EXOC4: variants seen among roughly 807,000 people sequenced by gnomAD.
EXOC4 encodes the protein SEC8-like 1.
Under a neutral mutation model 107.2 loss-of-function variants are expected in EXOC4, and 71 were observed. That is an observed-to-expected ratio of 0.66 (90% confidence interval 0.55 to 0.81). The LOEUF (loss-of-function observed/expected upper bound fraction) is 0.81, where lower values mean the gene tolerates loss of function less well. Ranked by LOEUF, EXOC4 falls within the 30% of genes least tolerant of loss-of-function variation. The pLI is 0.00. For missense variants in EXOC4, 1,108 were observed against 1,189.6 expected, an observed-to-expected ratio of 0.93 and a Z score of 1.01; for synonymous variants, 456 against 441.2, an observed-to-expected ratio of 1.03 and a Z score of -0.42.
At chr7:133,530,661 A>G (rs1307146417) in intron 9 of EXOC4, among the ~76,000 whole-genome samples, 1 of 152,238 alleles carries the variant, frequency 6.6e-6, no homozygotes, top group Non-Finnish European at 1.5e-5. Flanking sequence ...AAGCACATGT[A>G]GAGTTACTTG....
chr7:133,378,989 GATATTTT>G (rs1796554904), intron 7 of EXOC4, among the ~76,000 whole-genome samples: 1 of 151,988 alleles, frequency 6.6e-6, no homozygotes, highest in Non-Finnish European at 1.5e-5. Flanking sequence ...TGCATTTTAT[GATATTTT>G]ATTACTTTAA....
At chr7:133,671,852 A>G (rs1011130441) in intron 10 of EXOC4, among the ~76,000 whole-genome samples, 2 of 152,220 alleles carry the variant, frequency 1.3e-5, no homozygotes, top group Non-Finnish European at 2.9e-5. Flanking sequence ...TAGGAAGACT[A>G]CAGGAAGAAG....
At chr7:133,458,062 C>G (rs1259831203) in intron 7 of EXOC4, among the ~76,000 whole-genome samples, 1 of 152,054 alleles carries the variant, frequency 6.6e-6, no homozygotes, top group Non-Finnish European at 1.5e-5. Context: ...TAAATGTATA[C>G]CTAAAGAAAA....
intron 9 of EXOC4, among the ~76,000 whole-genome samples, chr7:133,531,054 C>T (rs973097752): frequency 6.6e-6 from 1 of 152,112 alleles, no homozygotes; most frequent in African/African-American, 2.4e-5. Context: ...CATTAGTATA[C>T]ATATACATAC....
intron 9 of EXOC4, among the ~76,000 whole-genome samples, chr7:133,581,328 A>C (rs1031481701): frequency 6.6e-6 from 1 of 152,184 alleles, no homozygotes; most frequent in African/African-American, 2.4e-5. Flanking sequence ...TCGCGGGTAC[A>C]TGTACAGGTT....
At chr7:133,444,026 C>T (rs1418372446) in intron 7 of EXOC4, among the ~76,000 whole-genome samples, 2 of 152,140 alleles carry the variant, frequency 1.3e-5, no homozygotes, top group Non-Finnish European at 2.9e-5. Context: ...GTCAGGAGAC[C>T]TGTGTGTACT....
Position 133,414,816 on chromosome 7 carries a change from A to G in EXOC4, c.1182+39814A>G, listed in dbSNP as rs141733435. Among the ~76,000 whole-genome samples, 193 of 152,276 alleles carry G rather than the reference A, an allele frequency of 1.3e-3. 1 individual carries two copies. Among genetic ancestry groups the G allele is most frequent in the African/African-American group, 4.3e-3 (180 of 41,562 alleles). ...TTACCAATTCAAAGTATACAATTCA[A>G]TGGCTTTAAACATGTTCACAGAGTT... On this transcript the variant is annotated intron_variant, in intron 7 of 17. Coordinates refer to ENST00000253861, the MANE Select transcript of EXOC4 (RefSeq NM_021807.4).
chr7:133,671,668 A>T (rs1034540419), intron 10 of EXOC4, among the ~76,000 whole-genome samples: 3 of 152,194 alleles, frequency 2.0e-5, no homozygotes, highest in African/African-American at 7.2e-5. Flanking sequence ...AGCCATTGTA[A>T]TAATTAATGG....
At chr7:133,531,173 C>A (rs977333797) in intron 9 of EXOC4, among the ~76,000 whole-genome samples, 1 of 151,896 alleles carries the variant, frequency 6.6e-6, no homozygotes, top group East Asian at 1.9e-4. Flanking sequence ...TAATATAGTA[C>A]CCATTAGTAT....
At chr7:134,039,213 T>C (rs1016110556) in intron 17 of EXOC4, among the ~76,000 whole-genome samples, 1 of 152,198 alleles carries the variant, frequency 6.6e-6, no homozygotes, top group Non-Finnish European at 1.5e-5. Context: ...GGTATACACC[T>C]ACGTAAGGAG....
At chr7:133,858,442 C>G (rs1440066434) in intron 11 of EXOC4, among the ~76,000 whole-genome samples, 1 of 152,062 alleles carries the variant, frequency 6.6e-6, no homozygotes, top group African/African-American at 2.4e-5. Flanking sequence ...GGAAAAAGCA[C>G]CACTTGACTG....
intron 17 of EXOC4, among the ~76,000 whole-genome samples, chr7:134,058,236 G>C (rs564811138): frequency 5.8e-4 from 88 of 152,244 alleles, no homozygotes; most frequent in Non-Finnish European, 1.1e-3. Flanking sequence ...CTTTTATTCA[G>C]CTCAATTTTT....
intron 11 of EXOC4, among the ~76,000 whole-genome samples, chr7:133,856,031 G>C (rs1346372922): frequency 1.3e-5 from 2 of 152,124 alleles, no homozygotes; most frequent in African/African-American, 4.8e-5. Flanking sequence ...AAAAGATCTG[G>C]AACACGTAAA....
chr7:133,485,591 C>A (rs1006780678), intron 9 of EXOC4, among the ~76,000 whole-genome samples: 1 of 152,236 alleles, frequency 6.6e-6, no homozygotes, highest in East Asian at 1.9e-4. Context: ...AAAAAATTTT[C>A]TCATTGTACT....
At chr7:133,335,522 T>C (rs771583568) in intron 5 of EXOC4, among the ~76,000 whole-genome samples, 15 of 152,342 alleles carry the variant, frequency 9.8e-5, no homozygotes, top group South Asian at 6.2e-4. Flanking sequence ...TGTTGTACCC[T>C]ATACCAGAAT....
chr7:133,643,399 G>T (rs1216783632), intron 10 of EXOC4, among the ~76,000 whole-genome samples: 3 of 152,110 alleles, frequency 2.0e-5, no homozygotes, highest in Non-Finnish European at 4.4e-5. Flanking sequence ...TTAAGGGTGG[G>T]TCTGCCTTTC....
chr7:133,310,765 G>A (rs139346502), intron 4 of EXOC4, among the ~76,000 whole-genome samples: 164 of 152,202 alleles, frequency 1.1e-3, no homozygotes, highest in East Asian at 3.7e-3. Context: ...CCTTTATCTC[G>A]TCAAGATTCA....
At chr7:133,897,479 G>T (rs1269692036) in intron 12 of EXOC4, among the ~76,000 whole-genome samples, 1 of 151,970 alleles carries the variant, frequency 6.6e-6, no homozygotes, top group African/African-American at 2.4e-5. Flanking sequence ...AATTTATACA[G>T]ATAGTCTTTT....
chr7:133,855,134 T>TAA (rs1563028632), intron 11 of EXOC4, among the ~76,000 whole-genome samples: 54 of 110,850 alleles, frequency 4.9e-4, no homozygotes, highest in African/African-American at 2.1e-3. Context: ...TATAAATATA[T>TAA]ATATATATAA....
Sources: gnomAD v4.1 joint callset for allele counts (sites outside exome capture counted in the v4.1 genomes callset) on GRCh38, gnomAD v4.1.1 for gene constraint, MANE v1.5 for transcripts, NCBI Gene and HGNC (gene_info 2026-07-23, HGNC 2026-07-21) for gene names.